The following TWF2 variants were observed in gnomAD, a reference collection of about 807,000 sequenced individuals.
TWF2 encodes the protein twinfilin actin binding protein 2, also known as twinfilin-2.
In TWF2, 15 loss-of-function variants were observed where a neutral mutation model predicts 45.1. The observed-to-expected ratio is 0.33, with a 90% CI of 0.22 to 0.51. The LOEUF is 0.51. Among genes scored for constraint, TWF2 ranks in the 20% least tolerant of loss-of-function variants. TWF2 has a pLI of 0.97. For missense variants in TWF2, 423 were observed against 469.1 expected, an observed-to-expected ratio of 0.90 and a Z score of 0.91; for synonymous variants, 177 against 195.8, an observed-to-expected ratio of 0.90 and a Z score of 0.80.
Position 52,231,987 on chromosome 3 carries a change from C to T in TWF2, c.239G>A (p.Gly80Asp), listed in dbSNP as rs1164946514. Residue 80 changes from glycine to aspartate, a missense_variant, in exon 3 of 9, where the codon GGC becomes GAC. Physicochemically the swap from Gly to Asp is moderately conservative, Grantham distance 94. Coordinates refer to ENST00000305533, the MANE Select transcript of TWF2 (RefSeq NM_007284.4). ...LYRLDSQNAQGFEWLFLAWSP... is the reference protein window; with the variant it reads ...LYRLDSQNAQDFEWLFLAWSP... ...CCAGGCGAGGAAGAGCCATTCGAAG[C>T]CCTGAGCATTCTGTGAGTCGAGGCG... 6.2e-7 allele frequency: 1 copy of T among 1,614,072 alleles called. No homozygotes were observed. Among genetic ancestry groups the T allele is most frequent in the Non-Finnish European group, 8.5e-7 (1 of 1,179,962 alleles).
chr3:52,232,302 G>A lies in TWF2; in HGVS notation c.104-180C>T, dbSNP rs1366573827. The A allele has an allele frequency of 2.0e-5, 16 of 806,818 alleles. No homozygotes were observed. In the Middle Eastern group the frequency reaches 2.6e-3, roughly 131 times the overall value. The allele number at this position is 806,818 out of a possible 1,614,324, so 50.0% of individuals were successfully genotyped here. On this transcript the variant is annotated intron_variant, in intron 2 of 8. Coordinates refer to ENST00000305533, the MANE Select transcript of TWF2 (RefSeq NM_007284.4). ...GTGGCTGAATGAGTGAGCAAGGGAA[G>A]GCACAAAGCTGCCACCTGGGGGCTG... is the stretch of plus-strand genomic sequence containing the variant.
chr3:52,231,351 C>G (rs528694705), intron 4 of TWF2, 93 bp downstream of exon 4: 14 of 1,572,996 alleles, frequency 8.9e-6, no homozygotes, highest in Non-Finnish European at 1.2e-5. Context: ...ATCTTCCTCC[C>G]GAAGCTGGCA....
chr3:52,230,944 C>T lies in TWF2; in HGVS notation c.535G>A (p.Ala179Thr), dbSNP rs375895610. The T allele has an allele frequency of 1.7e-5, 28 of 1,603,950 alleles. No individual in the cohort carries two copies. The highest frequency in any genetic ancestry group is 3.4e-5 in the Admixed American group (2 of 58,010). ...ESKHQTLQGLAFPLQPEAQRA... is the reference protein window; with the variant it reads ...ESKHQTLQGLTFPLQPEAQRA... The stretch of plus-strand genomic sequence containing the variant: ...TGGGCCTCAGGCTGCAGGGGGAAGG[C>T]GAGGCCCTGCAGGGTCTGGTGCTTG... Residue 179 changes from alanine to threonine, a missense_variant, in exon 6 of 9, where the codon GCC becomes ACC. Ala to Thr is a moderately conservative substitution (Grantham distance 58, BLOSUM62 0). Transcript: ENST00000305533.
chr3:52,238,937 G>T, intron 1 of TWF2, 55 bp downstream of exon 1: 1 of 1,566,586 alleles, frequency 6.4e-7, no homozygotes, highest in Non-Finnish European at 8.6e-7. Flanking sequence ...GCCGGGGGGG[G>T]GCGCTTCCGA....
In TWF2 at chr3:52,231,422, G is replaced by C. The variant is rs767549649; in HGVS notation, c.378+22C>G. 4.3e-6 allele frequency: 7 copies of C among 1,610,894 alleles called. No homozygotes were observed. The East Asian group carries it at 1.6e-4, about 36-fold the overall frequency. ...TCTGTGGGCCCAGGATTGTGTCCCG[G>C]TAAGTCCTGGCTTAGGATTACCTTC... On this transcript the variant is annotated intron_variant, in intron 4 of 8. Coordinates refer to ENST00000305533, the MANE Select transcript of TWF2 (RefSeq NM_007284.4).
Position 52,230,759 on chromosome 3 carries a change from G to A in TWF2, c.609+111C>T. 2.7e-6 allele frequency: 4 copies of A among 1,455,344 alleles called. No homozygotes were observed. In the East Asian group the frequency reaches 9.8e-5, roughly 36 times the overall value. 90.2% of individuals were successfully genotyped at this position (1,455,344 alleles called of 1,614,324 possible). ...CCCACAAGCACATGGACGAGCTGAA[G>A]GGGACAGACTGCAGGCTGGTGGAGT... is the stretch of plus-strand genomic sequence containing the variant. On this transcript the variant is annotated intron_variant, in intron 6 of 8. Transcript: ENST00000305533.
chr3:52,232,569 C>G (rs961962564), intron 2 of TWF2, among the ~76,000 whole-genome samples: 10 of 152,268 alleles, frequency 6.6e-5, no homozygotes, highest in African/African-American at 2.4e-4. Context: ...GCAGACTCCC[C>G]TCAGGACAAA....
intron 2 of TWF2, among the ~76,000 whole-genome samples, chr3:52,233,792 T>C (rs1406293937): frequency 6.6e-6 from 1 of 151,606 alleles, no homozygotes; most frequent in Non-Finnish European, 1.5e-5. Flanking sequence ...TGGTCGCCTG[T>C]AGTCCCAGCT....
rs781268615 is a variant in TWF2, at chr3:52,231,242, G to A, written c.379-11C>T. 10 of 1,613,686 alleles carry A rather than the reference G, an allele frequency of 6.2e-6. No homozygotes were observed. In the Admixed American group the frequency reaches 8.3e-5, roughly 13 times the overall value. On this transcript the variant is annotated splice_polypyrimidine_tract_variant and intron_variant, in intron 4 of 8. Transcript: ENST00000305533. ...AAAAGAGAGGTCATCCTGCAGGGGT[G>A]GGGGTGAATGCAGAGCCATAAATGG...
Position 52,229,969 on chromosome 3 carries a change from G to T in TWF2, c.711C>A (p.His237Gln). Residue 237 changes from histidine (H) to glutamine (Q), a missense_variant, in exon 7 of 9, where the codon CAC becomes CAA. Physicochemically the swap from His to Gln is conservative, Grantham distance 24. Transcript: ENST00000305533. The stretch of plus-strand genomic sequence containing the variant: ...CATGGGTGTGCTTGTAGAGGAAGAA[G>T]TGGTAGCGGGCAGCATCTCGGGGCA... ...SRVPRDAARY[H>Q]FFLYKHTHEG... The T allele has an allele frequency of 6.2e-7, 1 of 1,613,244 alleles. No individual in the cohort carries two copies. Among genetic ancestry groups the T allele is most frequent in the Non-Finnish European group, 8.5e-7 (1 of 1,179,988 alleles).
chr3:52,236,535 C>T (rs1371711134), intron 1 of TWF2, among the ~76,000 whole-genome samples: 2 of 152,148 alleles, frequency 1.3e-5, no homozygotes, highest in Non-Finnish European at 2.9e-5. Flanking sequence ...CTTGAGGCTG[C>T]CCAAGGGTCA....
chr3:52,235,746 G>A (rs1699720337), intron 1 of TWF2, among the ~76,000 whole-genome samples: 1 of 152,230 alleles, frequency 6.6e-6, no homozygotes, highest in Admixed American at 6.5e-5. Flanking sequence ...ACACAGGCAG[G>A]CAAGTGCAGA....
chr3:52,229,584 T>C, intron 8 of TWF2, 77 bp downstream of exon 8: 5 of 1,575,980 alleles, frequency 3.2e-6, no homozygotes, highest in Non-Finnish European at 4.3e-6. Flanking sequence ...TCTGCCGTCA[T>C]CTCAGGACCC....
rs933031886 is a variant in TWF2, at chr3:52,228,915, C to CT, written c.*118dup. 1 of 1,457,158 alleles carries CT rather than the reference C, an allele frequency of 6.9e-7. No homozygotes were observed. The highest frequency in any genetic ancestry group is 1.4e-5 in the African/African-American group (1 of 70,690). The allele number at this position is 1,457,158 out of a possible 1,614,324, so 90.3% of individuals were successfully genotyped here. ...CCTCGGACGCTGCAAGTGCGTTCAG[C>CT]TGCCAGCCCTCCTGACCTCCCAGAA... is the stretch of plus-strand genomic sequence containing the variant. On this transcript the variant is annotated 3_prime_UTR_variant, in exon 9 of 9. Coordinates refer to ENST00000305533, the MANE Select transcript of TWF2 (RefSeq NM_007284.4).
At chr3:52,233,670 C>T (rs1271578754) in intron 2 of TWF2, among the ~76,000 whole-genome samples, 1 of 152,010 alleles carries the variant, frequency 6.6e-6, no homozygotes, top group African/African-American at 2.4e-5. Flanking sequence ...GGCTTATGCC[C>T]GTAATCCCAG....
intron 1 of TWF2, among the ~76,000 whole-genome samples, chr3:52,236,944 T>G (rs1329001974): frequency 6.6e-6 from 1 of 152,186 alleles, no homozygotes; most frequent in Admixed American, 6.5e-5. Flanking sequence ...AACTTCAGTG[T>G]ATAAAATGGA....
At chr3:52,233,865 G>C (rs1445437317) in intron 2 of TWF2, among the ~76,000 whole-genome samples, 1 of 135,322 alleles carries the variant, frequency 7.4e-6, no homozygotes, top group Non-Finnish European at 1.5e-5. Flanking sequence ...AGTAAGCTGA[G>C]ATCACACCAC....
At chr3:52,229,819 G>C in intron 7 of TWF2, 37 bp from the exon 8 acceptor site, 1 of 1,602,386 alleles carries the variant, frequency 6.2e-7, no homozygotes, top group Non-Finnish European at 8.5e-7. Flanking sequence ...GGAGGCCTGA[G>C]AAACCTGCTG....
At chr3:52,234,986 G>A (rs756656842) in intron 2 of TWF2, 43 bp downstream of exon 2, 22 of 1,605,112 alleles carry the variant, frequency 1.4e-5, no homozygotes, top group Non-Finnish European at 1.8e-5. Flanking sequence ...AGGCAGCAGA[G>A]TCCACCCCCA....
Sources: allele counts gnomAD v4.1 joint callset (sites outside exome capture counted in the v4.1 genomes callset), GRCh38; gene constraint gnomAD v4.1.1; transcripts MANE v1.5; gene names NCBI Gene and HGNC (gene_info 2026-07-23, HGNC 2026-07-21).